CACNA2D1: variants seen among roughly 807,000 people sequenced by gnomAD.
CACNA2D1 encodes the protein voltage-dependent calcium channel subunit alpha-2/delta-1.
A neutral mutation model predicts 171.5 loss-of-function variants in CACNA2D1; 53 were observed. That is an observed-to-expected ratio of 0.31 (90% CI 0.25 to 0.39). The LOEUF is 0.39. Ranked by LOEUF, CACNA2D1 falls within the 10% of genes least tolerant of loss-of-function variation. CACNA2D1 has a pLI of 1.00. For missense variants in CACNA2D1, 903 were observed against 1,299.8 expected (o/e 0.69, Z 4.69); for synonymous variants, 442 against 443.1 (o/e 1.00, Z 0.03).
intron 38 of CACNA2D1, among the ~76,000 whole-genome samples, chr7:81,954,673 A>G (rs959267385): frequency 2.6e-5 from 4 of 152,166 alleles, no homozygotes; most frequent in Admixed American, 6.6e-5. Flanking sequence ...TCATTTGGCT[A>G]AAAGGTTTTT....
At chr7:82,057,008 T>C (rs1400762129) in intron 10 of CACNA2D1, among the ~76,000 whole-genome samples, 2 of 152,170 alleles carry the variant, frequency 1.3e-5, no homozygotes, top group Non-Finnish European at 2.9e-5. Flanking sequence ...CAGTCTCCTC[T>C]AAAGGTACAA....
chr7:82,189,579 T>C (rs935547095), intron 3 of CACNA2D1, among the ~76,000 whole-genome samples: 1 of 151,776 alleles, frequency 6.6e-6, no homozygotes, highest in East Asian at 1.9e-4. Flanking sequence ...AAATGAAAAA[T>C]TTTGGCAAAG....
chr7:81,961,813 GTA>G lies in CACNA2D1; in HGVS notation c.2966+79_2966+80del. 3.4e-5 allele frequency: 4 copies of G among 118,940 alleles called. No individual in the cohort carries two copies. In the East Asian group the frequency reaches 2.7e-3, roughly 80 times the overall value. The allele number at this position is 118,940 out of a possible 1,614,324, so 7.4% of individuals were successfully genotyped here. On this transcript the variant is annotated intron_variant, in intron 36 of 38. Transcript: ENST00000356860. Reference sequence around the variant, plus strand: ...AGTTTTTTCTGTAATGATTATAACAGTATATACAATTTCTTAATGATTATAAC... The same window carrying G: ...AGTTTTTTCTGTAATGATTATAACAGTATACAATTTCTTAATGATTATAAC...
chr7:82,331,817 C>A (rs1272296204), intron 3 of CACNA2D1, among the ~76,000 whole-genome samples: 2 of 152,070 alleles, frequency 1.3e-5, no homozygotes, highest in Non-Finnish European at 2.9e-5. Context: ...CTTCCTACAT[C>A]CAGAAGAAAA....
chr7:82,305,965 T>C (rs1005787009), intron 3 of CACNA2D1, among the ~76,000 whole-genome samples: 13 of 152,154 alleles, frequency 8.5e-5, no homozygotes, highest in Admixed American at 2.0e-4. Flanking sequence ...ATTGAGCAGA[T>C]AGTGACAGTT....
intron 1 of CACNA2D1, among the ~76,000 whole-genome samples, chr7:82,377,567 G>A (rs1193302382): frequency 6.6e-6 from 1 of 152,128 alleles, no homozygotes; most frequent in Non-Finnish European, 1.5e-5. Context: ...CATAATGGAA[G>A]GATTTGATCA....
Position 81,967,611 on chromosome 7 carries a change from G to A in CACNA2D1, c.2448C>T (p.Thr816=). Residue 816 remains threonine, a synonymous_variant, in exon 30 of 39, where the codon ACC becomes ACT. Transcript: ENST00000356860. The part of the protein sequence containing the change: ...VNSWIENFTK[T]SIRDPCAGPV... Reference sequence around the variant, plus strand: ...AATATCTTACCGGATCTCTGATTGAGGTTTTGGTGAAATTCTCTATCCAGG... The same window carrying A: ...AATATCTTACCGGATCTCTGATTGAAGTTTTGGTGAAATTCTCTATCCAGG... The A allele has an allele frequency of 1.3e-6, 2 of 1,508,100 alleles. No individual in the cohort carries two copies. The highest frequency in any genetic ancestry group is 1.8e-6 in the Non-Finnish European group (2 of 1,090,378). 93.4% of individuals were successfully genotyped at this position (1,508,100 alleles called of 1,614,324 possible). A position where few individuals can be genotyped will look rare whatever the true frequency, so the allele number is the denominator to read the frequency against.
At chr7:82,338,712 G>A (rs1179970453) in intron 2 of CACNA2D1, among the ~76,000 whole-genome samples, 2 of 152,158 alleles carry the variant, frequency 1.3e-5, no homozygotes, top group Non-Finnish European at 2.9e-5. Context: ...GCAGCCGAAG[G>A]TGAGTGGTAA....
intron 5 of CACNA2D1, among the ~76,000 whole-genome samples, chr7:82,136,357 C>G (rs1225667230): frequency 6.6e-6 from 1 of 151,924 alleles, no homozygotes; most frequent in African/African-American, 2.4e-5. Context: ...CTAATGGAGT[C>G]CAGAGTATCA....
At chr7:82,364,265 G>C (rs1821427611) in intron 1 of CACNA2D1, among the ~76,000 whole-genome samples, 1 of 152,160 alleles carries the variant, frequency 6.6e-6, no homozygotes, top group Admixed American at 6.5e-5. Flanking sequence ...TTCTGGCTAG[G>C]GCACTGCAGC....
rs367956490 is a variant in CACNA2D1 at position 81,959,156 on chromosome 7, G to A, written c.3159+119C>T. On this transcript the variant is annotated intron_variant, in intron 38 of 38. Transcript: ENST00000356860. ...CTACCAGCAAGTATGTCATGTTAAT[G>A]AGAAAAACTATGGTTAAGACATTAC... The A allele has an allele frequency of 1.1e-5, 8 of 747,180 alleles. No individual in the cohort carries two copies. The African/African-American group carries it at 1.2e-4, about 11-fold the overall frequency. 46.3% of individuals were successfully genotyped at this position (747,180 alleles called of 1,614,324 possible). A position where few individuals can be genotyped will look rare whatever the true frequency, so the allele number is the denominator to read the frequency against.
intron 10 of CACNA2D1, among the ~76,000 whole-genome samples, chr7:82,042,796 C>T (rs1804118443): frequency 1.3e-5 from 2 of 152,072 alleles, no homozygotes. Flanking sequence ...TCACTCAGTC[C>T]TCATGAAAGT....
chr7:82,420,466 CATG>C (rs1429526995), intron 1 of CACNA2D1, among the ~76,000 whole-genome samples: 1 of 152,134 alleles, frequency 6.6e-6, no homozygotes, highest in Non-Finnish European at 1.5e-5. Context: ...ATTACCAACT[CATG>C]ATTTTTTTTC....
intron 6 of CACNA2D1, among the ~76,000 whole-genome samples, chr7:82,112,607 T>G (rs897301230): frequency 6.6e-6 from 1 of 152,222 alleles, no homozygotes; most frequent in African/African-American, 2.4e-5. Flanking sequence ...GCCTGATTTA[T>G]GTACAGCATG....
intron 7 of CACNA2D1, among the ~76,000 whole-genome samples, chr7:82,082,820 A>G (rs1324404974): frequency 6.6e-6 from 1 of 152,076 alleles, no homozygotes; most frequent in Non-Finnish European, 1.5e-5. Flanking sequence ...AACACATTTG[A>G]AAATATATGA....
Position 82,342,645 on chromosome 7 carries a change from T to C in CACNA2D1, c.177+6923A>G, listed in dbSNP as rs17156164. Among the ~76,000 whole-genome samples the C allele has an allele frequency of 8.7e-3, 1,319 of 152,160 alleles. 28 individuals are homozygous for C. In the South Asian group the frequency reaches 0.095, roughly 11 times the overall value. ...GTGAGGAAGAATATGAGTGTTCCAATGAAGAGATATAGAAATGTATGCTGT... is the reference window on the plus strand; with the variant it reads ...GTGAGGAAGAATATGAGTGTTCCAACGAAGAGATATAGAAATGTATGCTGT... On this transcript the variant is annotated intron_variant, in intron 2 of 38. Transcript: ENST00000356860.
chr7:82,072,531 T>C (rs1240038674), intron 7 of CACNA2D1, among the ~76,000 whole-genome samples: 4 of 151,442 alleles, frequency 2.6e-5, no homozygotes. Context: ...ATAACAATCA[T>C]TCCCAGATGA....
rs1253031153 is a variant in CACNA2D1, at chr7:82,443,775, G to GCTCTCC, written c.-317_-316insGGAGAG. On this transcript the variant is annotated 5_prime_UTR_variant, in exon 1 of 39. Transcript: ENST00000356860. ...AGCCCGCCGGCGCTCGCGCGCTCTC[G>GCTCTCC]CTCTCCCTCTCGGTTTCCTCCCTGA... 9.5e-7 allele frequency: 1 copy of GCTCTCC among 1,054,066 alleles called. No homozygotes were observed. Among genetic ancestry groups the GCTCTCC allele is most frequent in the Non-Finnish European group, 1.2e-6 (1 of 826,602 alleles). 65.3% of individuals were successfully genotyped at this position (1,054,066 alleles called of 1,614,324 possible).
At chr7:82,339,009 G>A (rs549821087) in intron 2 of CACNA2D1, among the ~76,000 whole-genome samples, 2 of 152,150 alleles carry the variant, frequency 1.3e-5, no homozygotes, top group Non-Finnish European at 2.9e-5. Context: ...CAAGTTCTAA[G>A]TAGCAGTCAA....
Sources: allele counts gnomAD v4.1 joint callset (sites outside exome capture counted in the v4.1 genomes callset), GRCh38; gene constraint gnomAD v4.1.1; transcripts MANE v1.5; gene names NCBI Gene and HGNC (gene_info 2026-07-23, HGNC 2026-07-21).